TRRAP: variants seen among roughly 807,000 people sequenced by gnomAD.
The protein encoded by TRRAP is transformation/transcription domain associated protein.
A neutral mutation model predicts 438.8 loss-of-function variants in TRRAP; 41 were observed. That is an observed-to-expected ratio of 0.09 (90% CI 0.07 to 0.12). The LOEUF (loss-of-function observed/expected upper bound fraction) is 0.12, where lower values mean the gene tolerates loss of function less well. TRRAP is among the 10% of genes least tolerant of loss of function. The pLI is 1.00. For missense variants in TRRAP, 3,122 were observed against 5,055.1 expected (o/e 0.62, Z 11.60); for synonymous variants, 1,994 against 1,962.9 (o/e 1.02, Z -0.42).
chr7:99,011,509 C>T lies in TRRAP; in HGVS notation c.11311C>T (p.Arg3771Trp). The T allele has an allele frequency of 4.3e-6, 7 of 1,614,014 alleles. No homozygotes were observed. Among genetic ancestry groups the T allele is most frequent in the Non-Finnish European group, 5.1e-6 (6 of 1,179,938 alleles). Residue 3771 changes from arginine (R) to tryptophan (W), a missense_variant, in exon 72 of 73, where the codon CGG (arginine) becomes TGG (tryptophan). Coordinates refer to ENST00000456197, the MANE Select transcript of TRRAP (RefSeq NM_001375524.1). The surrounding 1 kb of genome is among the most constrained non-coding windows in gnomAD (Gnocchi z 7.1). ...GACAGCGTCCATGATTGCGGTCGCC[C>T]GGTGCTTCGCCCAGCCAAACTTTAA... is the stretch of plus-strand genomic sequence containing the variant. ...PLTASMIAVA[R>W]CFAQPNFKVD...
chr7:98,925,234 C>A lies in TRRAP; in HGVS notation c.2946C>A (p.His982Gln). 7 of 1,614,120 alleles carry A rather than the reference C, an allele frequency of 4.3e-6. No homozygotes were observed. Among genetic ancestry groups the A allele is most frequent in the Non-Finnish European group, 5.9e-6 (7 of 1,180,000 alleles). Residue 982 changes from histidine (H) to glutamine (Q), a missense_variant, in exon 22 of 73, where the codon CAC becomes CAA. Transcript: ENST00000456197. ...VAMMSLEDNK[H>Q]ALYQLLAHPN... ...TGATGAGCCTGGAGGACAACAAGCA[C>A]GCACTCTACCAGCTCCTGGCACACC...
At chr7:98,974,296 C>G (rs1381296499) in intron 53 of TRRAP, among the ~76,000 whole-genome samples, 1 of 152,160 alleles carries the variant, frequency 6.6e-6, no homozygotes, top group Non-Finnish European at 1.5e-5. Flanking sequence ...CCCTGATGTT[C>G]TCCTTCCTGG....
rs773327749 is a variant in TRRAP, at chr7:98,984,200, G to T, written c.9130G>T (p.Ala3044Ser). 23 of 1,613,978 alleles carry T rather than the reference G, an allele frequency of 1.4e-5. No individual in the cohort carries two copies. Among genetic ancestry groups the T allele is most frequent in the African/African-American group, 4.0e-5 (3 of 74,888 alleles). ...ASAIIQYGKI[A>S]RKQGLVNVAL... is the part of the protein sequence containing the mutation. ...AGCGATCATCCAGTATGGAAAAATCGCCCGGAAACAAGGACTGGTCAATGT... is the reference window on the plus strand; with the variant it reads ...AGCGATCATCCAGTATGGAAAAATCTCCCGGAAACAAGGACTGGTCAATGT... Residue 3044 changes from alanine to serine, a missense_variant, in exon 61 of 73, where the codon GCC becomes TCC. Transcript: ENST00000456197.
Position 98,948,102 on chromosome 7 carries a change from T to C in TRRAP, c.4549-119T>C, listed in dbSNP as rs1791168671. 3 of 1,435,184 alleles carry C rather than the reference T, an allele frequency of 2.1e-6. No homozygotes were observed. The highest frequency in any genetic ancestry group is 4.6e-5 in the East Asian group (2 of 43,820). The allele number at this position is 1,435,184 out of a possible 1,614,324, so 88.9% of individuals were successfully genotyped here. A position where few individuals can be genotyped will look rare whatever the true frequency, so the allele number is the denominator to read the frequency against. On this transcript the variant is annotated intron_variant, in intron 33 of 72. Coordinates refer to ENST00000456197, the MANE Select transcript of TRRAP (RefSeq NM_001375524.1). This position sits in a 1 kb window ranked among gnomAD's most constrained non-coding sequence, Gnocchi z 4.9. ...GTTGTGGCTTTTACATGTGAACCCT[T>C]CGCTTCACTGCCTAGCCTTGCCAAC... is the stretch of plus-strand genomic sequence containing the variant.
intron 19 of TRRAP, 77 bp from the exon 20 acceptor site, chr7:98,917,346 A>G: frequency 1.3e-6 from 2 of 1,552,970 alleles, no homozygotes; most frequent in East Asian, 2.3e-5. Context: ...AAGGAGGGGC[A>G]GTTCTTTTGT....
At chr7:98,929,927 G>C (rs1790245274) in intron 23 of TRRAP, 62 bp from the exon 24 acceptor site, 2 of 1,541,878 alleles carry the variant, frequency 1.3e-6, no homozygotes, top group Non-Finnish European at 1.8e-6. Context: ...GGAAAACATT[G>C]GGGAGTTCTG....
intron 1 of TRRAP, among the ~76,000 whole-genome samples, chr7:98,878,889 G>A (rs1049182382): frequency 7.2e-5 from 11 of 152,286 alleles, no homozygotes; most frequent in Non-Finnish European, 1.3e-4. Flanking sequence ...GCTCGCCGTA[G>A]CTCGGCCTGG....
chr7:98,949,275 C>A, intron 35 of TRRAP, 142 bp from the exon 36 acceptor site: 2 of 967,520 alleles, frequency 2.1e-6, no homozygotes, highest in Admixed American at 3.8e-5. Context: ...AAAAAGCATG[C>A]GTGTGGTGCT....
Position 98,981,831 on chromosome 7 carries a change from C to T in TRRAP, c.8697C>T (p.Ala2899=). ...WKVNMYRGYL[A]ICHPEEQQLS... The stretch of plus-strand genomic sequence containing the variant: ...TGAACATGTACCGCGGATACCTGGC[C>T]ATCTGCCACCCCGAGGAGCAGCAGC... The change falls in exon 59 of 73, where the codon GCC becomes GCT. Residue 2899 remains alanine (A), a synonymous_variant. Coordinates refer to ENST00000456197, the MANE Select transcript of TRRAP (RefSeq NM_001375524.1). 6.2e-7 allele frequency: 1 copy of T among 1,605,172 alleles called. No individual in the cohort carries two copies. Among genetic ancestry groups the T allele is most frequent in the Non-Finnish European group, 8.5e-7 (1 of 1,176,560 alleles).
At position 98,878,547 on chromosome 7, in the gene TRRAP, T is replaced by A. The variant is rs1263913524; in HGVS notation, c.-152T>A. On this transcript the variant is annotated 5_prime_UTR_variant, in exon 1 of 73. Transcript: ENST00000456197. The stretch of plus-strand genomic sequence containing the variant: ...CTGCCGCTTTAAGCGGGGGCGGGAC[T>A]GCGCGCGGCCGAGCGGTTGCGACGA... The A allele has an allele frequency of 2.0e-5, 3 of 151,366 alleles. No individual in the cohort carries two copies. The highest frequency in any genetic ancestry group is 2.9e-5 in the Non-Finnish European group (2 of 67,832). 9.4% of individuals were successfully genotyped at this position (151,366 alleles called of 1,614,324 possible). A position where few individuals can be genotyped will look rare whatever the true frequency, so the allele number is the denominator to read the frequency against.
chr7:98,944,434 C>T (rs1289069815), intron 31 of TRRAP, among the ~76,000 whole-genome samples: 3 of 152,070 alleles, frequency 2.0e-5, no homozygotes, highest in South Asian at 2.1e-4. Flanking sequence ...GGGATGGAGT[C>T]GTGGATACTG....
chr7:99,000,363 G>A (rs1269413425), intron 67 of TRRAP, among the ~76,000 whole-genome samples: 1 of 152,164 alleles, frequency 6.6e-6, no homozygotes, highest in Non-Finnish European at 1.5e-5. Context: ...CCAGGTGGTG[G>A]AGATGAGACT....
chr7:99,008,311 C>T lies in TRRAP; in HGVS notation c.10754-66C>T, dbSNP rs138479521. 2.0e-4 allele frequency: 303 copies of T among 1,519,030 alleles called. 2 individuals are homozygous for T. In the East Asian group the frequency reaches 5.9e-3, roughly 30 times the overall value. The allele number at this position is 1,519,030 out of a possible 1,614,324, so 94.1% of individuals were successfully genotyped here. On this transcript the variant is annotated intron_variant, in intron 69 of 72. Coordinates refer to ENST00000456197, the MANE Select transcript of TRRAP (RefSeq NM_001375524.1). ...AGCTCTGCTCCCAGTGGCACTCTGA[C>T]GGTGGAGCTGAGCACTGGCCCGCGG...
intron 5 of TRRAP, 102 bp from the exon 6 acceptor site, chr7:98,893,696 A>G (rs1796074020): frequency 9.7e-7 from 1 of 1,034,462 alleles, no homozygotes; most frequent in Admixed American, 2.3e-5. Context: ...CAGCAAATCC[A>G]ATAGTTGGTT....
At position 98,958,050 on chromosome 7, in the gene TRRAP, A is replaced by T. The variant is rs782554031; in HGVS notation, c.6301A>T (p.Thr2101Ser). The change falls in exon 44 of 73, where the codon ACA becomes TCA. Residue 2101 changes from threonine to serine, a missense_variant. Thr to Ser is a moderately conservative substitution (Grantham distance 58). Coordinates refer to ENST00000456197, the MANE Select transcript of TRRAP (RefSeq NM_001375524.1). Reference protein sequence around the residue: ...LLAKPIDKQHTDTVVNFLIRV... With the variant: ...LLAKPIDKQHSDTVVNFLIRV... ...CGCCAAGCCCATTGACAAGCAGCAC[A>T]CAGACACTGTGGTGAACTTCCTTAT... The T allele has an allele frequency of 1.2e-6, 2 of 1,614,226 alleles. No homozygotes were observed. Among genetic ancestry groups the T allele is most frequent in the Admixed American group, 3.3e-5 (2 of 60,028 alleles).
chr7:98,959,936 TAAA>T (rs780800568), intron 45 of TRRAP, among the ~76,000 whole-genome samples: 4 of 112,684 alleles, frequency 3.5e-5, no homozygotes, highest in African/African-American at 3.8e-5. Context: ...CCTGGTCTCT[TAAA>T]AAAAAAAAAA....
At chr7:98,902,923 A>AAAAG (rs1562933048) in intron 11 of TRRAP, among the ~76,000 whole-genome samples, 1 of 151,254 alleles carries the variant, frequency 6.6e-6, no homozygotes. Context: ...AAAAAAAAAA[A>AAAAG]AAAGAAAATT....
At chr7:98,891,395 G>A (rs1411437320) in intron 4 of TRRAP, among the ~76,000 whole-genome samples, 4 of 148,968 alleles carry the variant, frequency 2.7e-5, no homozygotes, top group Non-Finnish European at 4.5e-5. Flanking sequence ...TACTTTAATA[G>A]AGACCATGTT....
rs1201458239 is a variant in TRRAP, at chr7:98,956,638, G to C, written c.6231+105G>C. ...GCTCGGTGCTCAGCTGCATTCAGGA[G>C]AGGAAGCTGGGAACAGCCACGGTCA... On this transcript the variant is annotated intron_variant, in intron 43 of 72. Coordinates refer to ENST00000456197, the MANE Select transcript of TRRAP (RefSeq NM_001375524.1). The surrounding 1 kb of genome is among the most constrained non-coding windows in gnomAD (Gnocchi z 4.5). 8.7e-6 allele frequency: 13 copies of C among 1,500,908 alleles called. No individual in the cohort carries two copies. The highest frequency in any genetic ancestry group is 1.2e-5 in the Non-Finnish European group (13 of 1,128,386). 93.0% of individuals were successfully genotyped at this position (1,500,908 alleles called of 1,614,324 possible).
Sources: gnomAD v4.1 joint callset for allele counts (sites outside exome capture counted in the v4.1 genomes callset) on GRCh38, gnomAD v4.1.1 for gene constraint, Gnocchi (gnomAD v3.1) non-coding constraint, MANE v1.5 for transcripts, NCBI Gene and HGNC (gene_info 2026-07-23, HGNC 2026-07-21) for gene names.